MEGF6: variants seen among roughly 807,000 people sequenced by gnomAD.
MEGF6 encodes the protein multiple EGF like domains 6, also known as multiple epidermal growth factor-like domains protein 6.
Under a neutral mutation model 207.1 loss-of-function variants are expected in MEGF6, and 184 were observed. That is an observed-to-expected ratio of 0.89 (90% CI 0.79 to 1.00). The LOEUF (loss-of-function observed/expected upper bound fraction) is 1.00. Among genes scored for constraint, MEGF6 ranks in the 50% least tolerant of loss-of-function variants. The pLI is 0.00. For synonymous variants in MEGF6, 1,038 were observed against 910.0 expected, an observed-to-expected ratio of 1.14 and a Z score of -2.53; for missense variants, 2,282 against 2,202.9, an observed-to-expected ratio of 1.04 and a Z score of -0.72.
chr1:3,597,637 T>C (rs1337542354), intron 2 of MEGF6, among the ~76,000 whole-genome samples: 1 of 152,152 alleles, frequency 6.6e-6, no homozygotes, highest in East Asian at 1.9e-4. Flanking sequence ...GCACAGGGGA[T>C]GGCTGTGTGA....
intron 4 of MEGF6, among the ~76,000 whole-genome samples, chr1:3,543,704 C>A (rs377595552): frequency 6.6e-6 from 1 of 152,254 alleles, no homozygotes; most frequent in Non-Finnish European, 1.5e-5. Context: ...ATCCGGTCCA[C>A]GCCTCTGCCT....
chr1:3,498,868 G>T, intron 24 of MEGF6, 42 bp from the exon 25 acceptor site: 1 of 1,541,810 alleles, frequency 6.5e-7, no homozygotes, highest in Admixed American at 2.0e-5. Flanking sequence ...CCCCCAGCCA[G>T]CTGGCCCCAC....
intron 3 of MEGF6, among the ~76,000 whole-genome samples, chr1:3,590,686 G>A (rs370227869): frequency 2.0e-5 from 3 of 152,320 alleles, no homozygotes; most frequent in African/African-American, 7.2e-5. Flanking sequence ...ACAACGGCTG[G>A]GGGCTGGGGG....
At chr1:3,530,966 C>T in intron 4 of MEGF6, 1 of 1,334,828 alleles carries the variant, frequency 7.5e-7, no homozygotes, top group Admixed American at 3.9e-5. Flanking sequence ...CGCCCTGCTC[C>T]CTCCAGCCTA....
At chr1:3,532,979 G>A (rs1176396824) in intron 4 of MEGF6, among the ~76,000 whole-genome samples, 5 of 152,232 alleles carry the variant, frequency 3.3e-5, no homozygotes, top group Non-Finnish European at 5.9e-5. Context: ...CAATTGAGCA[G>A]AACTCCAGCC....
At chr1:3,572,894 G>A (rs1257002386) in intron 4 of MEGF6, among the ~76,000 whole-genome samples, 3 of 134,218 alleles carry the variant, frequency 2.2e-5, no homozygotes, top group East Asian at 4.9e-4. Flanking sequence ...CTTCCTGGGT[G>A]TGCTGGGTTC....
intron 11 of MEGF6, 50 bp from the exon 12 acceptor site, chr1:3,509,295 C>G: frequency 7.2e-7 from 1 of 1,381,340 alleles, no homozygotes; most frequent in Non-Finnish European, 9.4e-7. Context: ...CCTGCCTGCT[C>G]CAGCGACCCC....
intron 4 of MEGF6, chr1:3,531,272 G>A (rs931502632): frequency 1.0e-4 from 134 of 1,332,144 alleles, no homozygotes; most frequent in Non-Finnish European, 1.2e-4. Flanking sequence ...GGGCGGGAGG[G>A]GGCGAGGACC....
rs1432695655 is a variant in MEGF6 at position 3,488,618 on chromosome 1, G to T, written c.*1910C>A. Reference sequence around the variant, plus strand: ...AATAACATGGACTTTGCATGCCTTTGATAGTTTAGCTGGATGTAAAATTCA... The same window carrying T: ...AATAACATGGACTTTGCATGCCTTTTATAGTTTAGCTGGATGTAAAATTCA... On this transcript the variant is annotated 3_prime_UTR_variant, in exon 37 of 37. Coordinates refer to ENST00000356575, the MANE Select transcript of MEGF6 (RefSeq NM_001409.4). Among the ~76,000 whole-genome samples, 1 of 152,232 alleles carries T rather than the reference G, an allele frequency of 6.6e-6. No homozygotes were observed. The highest frequency in any genetic ancestry group is 1.5e-5 in the Non-Finnish European group (1 of 68,042).
Position 3,496,647 on chromosome 1 carries a change from C to T in MEGF6, c.3742+8G>A. 1 of 1,574,992 alleles carries T rather than the reference C, an allele frequency of 6.3e-7. No individual in the cohort carries two copies. The highest frequency in any genetic ancestry group is 8.6e-7 in the Non-Finnish European group (1 of 1,160,904). On this transcript the variant is annotated splice_region_variant and intron_variant, in intron 29 of 36. Transcript: ENST00000356575. ...CGCCACTCAGCACTGCTGCCACCAG[C>T]CACTCACTGAGGTTGCAGTCCGTCC... is the stretch of plus-strand genomic sequence containing the variant.
At position 3,573,680 on chromosome 1, in the gene MEGF6, G is replaced by A. The variant is rs899984927; in HGVS notation, c.481+6145C>T. On this transcript the variant is annotated intron_variant, in intron 4 of 36. Coordinates refer to ENST00000356575, the MANE Select transcript of MEGF6 (RefSeq NM_001409.4). The surrounding 1 kb of genome is among the most constrained non-coding windows in gnomAD (Gnocchi z 5.1). ...CCCTGCCCCAGAGCCCGCCCTTCCA[G>A]GAGCCCCGTCCTCCCCTCCCACCAC... 1.3e-5 allele frequency among the ~76,000 whole-genome samples: 2 copies of A among 152,164 alleles called. No individual in the cohort carries two copies. Among genetic ancestry groups the A allele is most frequent in the African/African-American group, 4.8e-5 (2 of 41,450 alleles).
intron 4 of MEGF6, among the ~76,000 whole-genome samples, chr1:3,562,857 C>T (rs567157850): frequency 3.0e-4 from 45 of 152,290 alleles, no homozygotes; most frequent in African/African-American, 1.0e-3. Flanking sequence ...GGGCCAGCTC[C>T]GGACAGGGCC....
intron 4 of MEGF6, among the ~76,000 whole-genome samples, chr1:3,557,088 G>A (rs754600104): frequency 1.5e-4 from 23 of 152,234 alleles, no homozygotes; most frequent in Middle Eastern, 3.4e-3. Flanking sequence ...TTGGAAGGAC[G>A]AGGAAGGAGC....
intron 11 of MEGF6, 135 bp from the exon 12 acceptor site, chr1:3,509,380 C>A: frequency 5.8e-6 from 4 of 691,518 alleles, no homozygotes; most frequent in Non-Finnish European, 8.7e-6. Context: ...CTACCCCCAC[C>A]TCCTCAGCCT....
intron 9 of MEGF6, 125 bp from the exon 10 acceptor site, chr1:3,511,027 A>C (rs1641327362): frequency 7.3e-7 from 1 of 1,372,208 alleles, no homozygotes; most frequent in South Asian, 1.4e-5. Context: ...AGCTGCCCAC[A>C]GCCTCACGTG....
At chr1:3,563,854 G>C (rs1643273119) in intron 4 of MEGF6, among the ~76,000 whole-genome samples, 1 of 152,180 alleles carries the variant, frequency 6.6e-6, no homozygotes. Flanking sequence ...TGCGCGTCTG[G>C]GGAGGGAAGT....
At chr1:3,506,318 G>A (rs1641117669) in intron 14 of MEGF6, 82 bp from the exon 15 acceptor site, 1 of 1,494,072 alleles carries the variant, frequency 6.7e-7, no homozygotes, top group Non-Finnish European at 9.0e-7. Context: ...GGATGCGCGG[G>A]GGCCCAGGGC....
In MEGF6 at chr1:3,501,800, C is replaced by T. The variant is rs367724125; in HGVS notation, c.2310G>A (p.Glu770=). ...GGGGCTGCGGCTGACACTCACCTGC[C>T]TCACAGTCTTCCCCAGTCCTCCCCG... ...CPPGRTGEDC[E]ADCPEGRWGL... Residue 770 remains glutamate (E), a synonymous_variant, in exon 18 of 37, where the codon GAG becomes GAA. Coordinates refer to ENST00000356575, the MANE Select transcript of MEGF6 (RefSeq NM_001409.4). The T allele has an allele frequency of 6.2e-7, 1 of 1,610,270 alleles. No individual in the cohort carries two copies.
chr1:3,497,452 G>A (rs1387811079), intron 26 of MEGF6, 91 bp from the exon 27 acceptor site: 54 of 1,378,222 alleles, frequency 3.9e-5, no homozygotes, highest in Admixed American at 1.4e-4. Flanking sequence ...CTGTGGGTAC[G>A]ACCCACCCAA....
Sources: allele counts gnomAD v4.1 joint callset (sites outside exome capture counted in the v4.1 genomes callset), GRCh38; gene constraint gnomAD v4.1.1; non-coding constraint Gnocchi (gnomAD v3.1); transcripts MANE v1.5; gene names NCBI Gene and HGNC (gene_info 2026-07-23, HGNC 2026-07-21).